NALF1: variants seen among roughly 807,000 people sequenced by gnomAD.
NALF1 encodes the protein NALCN channel auxiliary factor 1.
Under a neutral mutation model 48.4 loss-of-function variants are expected in NALF1, and 3 were observed. The observed-to-expected ratio is 0.06, with a 90% CI of 0.03 to 0.16. The LOEUF is 0.16. NALF1 is among the 10% of genes least tolerant of loss of function. NALF1 has a pLI of 1.00. For synonymous variants in NALF1, 262 were observed against 245.7 expected (o/e 1.07, Z -0.62); for missense variants, 526 against 571.5 (o/e 0.92, Z 0.81).
At chr13:107,734,974 T>G (rs934112125) in intron 1 of NALF1, among the ~76,000 whole-genome samples, 3 of 152,034 alleles carry the variant, frequency 2.0e-5, no homozygotes, top group Non-Finnish European at 4.4e-5. Flanking sequence ...TGAAATAAAC[T>G]CCACTTAGGA....
chr13:107,840,568 A>G (rs1000861902), intron 1 of NALF1, among the ~76,000 whole-genome samples: 2 of 152,196 alleles, frequency 1.3e-5, no homozygotes, highest in African/African-American at 4.8e-5. Flanking sequence ...CCCCTAAAGG[A>G]TTACACCAAA....
chr13:107,267,128 C>T (rs1239817601), intron 1 of NALF1, among the ~76,000 whole-genome samples: 2 of 152,196 alleles, frequency 1.3e-5, no homozygotes, highest in East Asian at 1.9e-4. Flanking sequence ...CCAAGACTCC[C>T]CTCCACCATG....
intron 1 of NALF1, among the ~76,000 whole-genome samples, chr13:107,487,194 A>G (rs1885343023): frequency 6.6e-6 from 1 of 152,114 alleles, no homozygotes. Context: ...TCTTATTTTT[A>G]AGAACATGGA....
At chr13:107,296,001 A>G (rs1881717921) in intron 1 of NALF1, among the ~76,000 whole-genome samples, 1 of 152,240 alleles carries the variant, frequency 6.6e-6, no homozygotes, top group African/African-American at 2.4e-5. Context: ...TTGCCAGAAT[A>G]CATTGTGAAA....
chr13:107,206,139 G>T (rs940722885), intron 2 of NALF1, among the ~76,000 whole-genome samples: 1 of 152,078 alleles, frequency 6.6e-6, no homozygotes, highest in African/African-American at 2.4e-5. Flanking sequence ...CACCCTGACA[G>T]CACCTCAGAA....
chr13:107,340,658 G>A (rs921401517), intron 1 of NALF1, among the ~76,000 whole-genome samples: 17 of 152,010 alleles, frequency 1.1e-4, no homozygotes, highest in Non-Finnish European at 5.9e-5. Context: ...CCAGGGCCAT[G>A]AGACTGCATT....
At chr13:107,764,744 T>A (rs1199255948) in intron 1 of NALF1, among the ~76,000 whole-genome samples, 1 of 152,152 alleles carries the variant, frequency 6.6e-6, no homozygotes, top group Non-Finnish European at 1.5e-5. Flanking sequence ...GTATGATTGG[T>A]GCAAACAGTG....
chr13:107,269,193 T>A (rs1024557003), intron 1 of NALF1, among the ~76,000 whole-genome samples: 5 of 150,530 alleles, frequency 3.3e-5, no homozygotes, highest in African/African-American at 9.8e-5. Context: ...TTTAAAAAAA[T>A]AGAAATTGAG....
chr13:107,657,878 T>C (rs1451739907), intron 1 of NALF1, among the ~76,000 whole-genome samples: 1 of 152,208 alleles, frequency 6.6e-6, no homozygotes, highest in Non-Finnish European at 1.5e-5. Flanking sequence ...CCTGCATGAA[T>C]GTCATGATTT....
rs972298476 is a variant in NALF1 at position 107,349,207 on chromosome 13, C to T, written c.916-138452G>A. 2.0e-5 allele frequency among the ~76,000 whole-genome samples: 3 copies of T among 152,166 alleles called. No homozygotes were observed. The South Asian group carries it at 6.2e-4, about 31-fold the overall frequency. On this transcript the variant is annotated intron_variant, in intron 1 of 2. Transcript: ENST00000375915. ...TTCAGATATTTCGAAAGAGAAAAAT[C>T]GCTTCTTTCTTCATTCCCCTCCTTC... is the stretch of plus-strand genomic sequence containing the variant.
At position 107,164,324 on chromosome 13, in the gene NALF1, A is replaced by G. The variant is rs181309660; in HGVS notation, c.*6173T>C. On this transcript the variant is annotated 3_prime_UTR_variant, in exon 3 of 3. Coordinates refer to ENST00000375915, the MANE Select transcript of NALF1 (RefSeq NM_001080396.3). ...TTCCATATACTTTATCAAAAACTGAACAGGTTTTCTAACTTTTTCACTGTT... is the reference window on the plus strand; with the variant it reads ...TTCCATATACTTTATCAAAAACTGAGCAGGTTTTCTAACTTTTTCACTGTT... 1.6e-4 allele frequency: 24 copies of G among 152,294 alleles called. 1 individual carries two copies. In the East Asian group the frequency reaches 2.9e-3, roughly 18 times the overall value. 9.4% of individuals were successfully genotyped at this position (152,294 alleles called of 1,614,324 possible).
At chr13:107,301,234 C>T (rs571324129) in intron 1 of NALF1, among the ~76,000 whole-genome samples, 1 of 152,260 alleles carries the variant, frequency 6.6e-6, no homozygotes, top group Non-Finnish European at 1.5e-5. Context: ...ATAGCCTGTT[C>T]AACATCCATC....
At chr13:107,197,106 A>G (rs1284325783) in intron 2 of NALF1, among the ~76,000 whole-genome samples, 1 of 152,154 alleles carries the variant, frequency 6.6e-6, no homozygotes, top group East Asian at 1.9e-4. Flanking sequence ...GCTGGCAGGT[A>G]TGCTCTTGTG....
intron 1 of NALF1, among the ~76,000 whole-genome samples, chr13:107,341,122 A>G (rs886373904): frequency 1.3e-5 from 2 of 151,822 alleles, no homozygotes; most frequent in Non-Finnish European, 2.9e-5. Flanking sequence ...TTTCTAACAG[A>G]TACTTGGTGC....
chr13:107,386,431 A>G (rs1248450208), intron 1 of NALF1, among the ~76,000 whole-genome samples: 1 of 152,206 alleles, frequency 6.6e-6, no homozygotes, highest in African/African-American at 2.4e-5. Flanking sequence ...AACTGTTTCC[A>G]TGACTTGGAA....
At chr13:107,607,947 ACT>A (rs1361520783) in intron 1 of NALF1, among the ~76,000 whole-genome samples, 3 of 152,142 alleles carry the variant, frequency 2.0e-5, no homozygotes, top group African/African-American at 4.8e-5. Context: ...TCTGTCATGG[ACT>A]TCACTGTCTA....
chr13:107,817,529 C>G (rs763780801), intron 1 of NALF1, among the ~76,000 whole-genome samples: 2 of 152,152 alleles, frequency 1.3e-5, no homozygotes, highest in Non-Finnish European at 2.9e-5. Flanking sequence ...CTGTAAATAT[C>G]TTCTGTTTTC....
chr13:107,238,830 T>C (rs958440683), intron 1 of NALF1, among the ~76,000 whole-genome samples: 10 of 152,172 alleles, frequency 6.6e-5, no homozygotes, highest in East Asian at 1.9e-4. Context: ...TCCAAGAAAC[T>C]TGGACTTAGC....
chr13:107,842,713 A>G lies in NALF1; in HGVS notation c.915+22969T>C, dbSNP rs1594308939. The stretch of plus-strand genomic sequence containing the variant: ...AAGAAAGTAATTAACTTTTTTTAAA[A>G]GCTAATAAATCTCTGACAAACGAGC... On this transcript the variant is annotated intron_variant, in intron 1 of 2. Coordinates refer to ENST00000375915, the MANE Select transcript of NALF1 (RefSeq NM_001080396.3). 5.9e-5 allele frequency among the ~76,000 whole-genome samples: 9 copies of G among 152,090 alleles called. 3 individuals carry two copies. The highest frequency in any genetic ancestry group is 5.9e-4 in the Admixed American group (9 of 15,268).
Sources: allele counts gnomAD v4.1 joint callset (sites outside exome capture counted in the v4.1 genomes callset), GRCh38; gene constraint gnomAD v4.1.1; transcripts MANE v1.5; gene names NCBI Gene and HGNC (gene_info 2026-07-23, HGNC 2026-07-21).